Variants in PLD5 observed in about 807,000 individuals in gnomAD.
PLD5 encodes the protein inactive phospholipase D5.
PLD5 carries 36 observed loss-of-function variants against 61.1 expected under a neutral mutation model. That is an observed-to-expected ratio of 0.59 (90% CI 0.45 to 0.78). The LOEUF (loss-of-function observed/expected upper bound fraction) is 0.78, where lower values mean the gene tolerates loss of function less well. Ranked by LOEUF, PLD5 falls within the 30% of genes least tolerant of loss-of-function variation. The pLI is 0.00. For synonymous variants in PLD5, 243 were observed against 242.8 expected (o/e 1.00, Z -0.01); for missense variants, 515 against 644.4 (o/e 0.80, Z 2.17).
chr1:242,517,732 G>T lies in PLD5; in HGVS notation c.189+6356C>A, dbSNP rs1049161579. Among the ~76,000 whole-genome samples the T allele has an allele frequency of 7.9e-5, 12 of 152,176 alleles. No homozygotes were observed. In the South Asian group the frequency reaches 1.5e-3, roughly 18 times the overall value. The stretch of plus-strand genomic sequence containing the variant: ...ACAACTTTAAACATCTTCAGGGAAG[G>T]GACCCTGCACTGGTCTTTGTATTTA... On this transcript the variant is annotated intron_variant, in intron 1 of 9. Transcript: ENST00000536534.
chr1:242,330,956 C>A (rs1336545997), intron 2 of PLD5, among the ~76,000 whole-genome samples: 2 of 152,176 alleles, frequency 1.3e-5, no homozygotes, highest in Admixed American at 6.5e-5. Context: ...AGCTTCTCCT[C>A]CCCTGGTCCA....
At chr1:242,183,247 C>T (rs545699673) in intron 5 of PLD5, among the ~76,000 whole-genome samples, 1 of 152,246 alleles carries the variant, frequency 6.6e-6, no homozygotes, top group Non-Finnish European at 1.5e-5. Context: ...CTTTGCTTTA[C>T]TATAGTTTGA....
At chr1:242,259,220 C>T (rs1302905181) in intron 4 of PLD5, among the ~76,000 whole-genome samples, 3 of 151,900 alleles carry the variant, frequency 2.0e-5, no homozygotes, top group African/African-American at 7.3e-5. Flanking sequence ...GAGGTGGGAG[C>T]ACCACTTGAT....
At chr1:242,157,014 T>C (rs1665426468) in intron 5 of PLD5, among the ~76,000 whole-genome samples, 1 of 152,190 alleles carries the variant, frequency 6.6e-6, no homozygotes, top group Non-Finnish European at 1.5e-5. Context: ...TTTGGTCTTT[T>C]CACATAGTTC....
At chr1:242,508,580 C>T (rs1668804584) in intron 1 of PLD5, among the ~76,000 whole-genome samples, 1 of 152,162 alleles carries the variant, frequency 6.6e-6, no homozygotes, top group Non-Finnish European at 1.5e-5. Flanking sequence ...ATTCACCATT[C>T]CCAGTAGCTC....
intron 4 of PLD5, among the ~76,000 whole-genome samples, chr1:242,237,975 C>G (rs1671749326): frequency 6.6e-6 from 1 of 152,110 alleles, no homozygotes; most frequent in Admixed American, 6.5e-5. Context: ...TGAACCCTAC[C>G]TAGCTTTGCA....
At chr1:242,492,522 CA>C (rs35988130) in intron 1 of PLD5, among the ~76,000 whole-genome samples, 212 of 122,392 alleles carry the variant, frequency 1.7e-3, no homozygotes, top group African/African-American at 2.1e-3. Flanking sequence ...AACTCCGTCT[CA>C]AAAAAAAAAA....
intron 1 of PLD5, among the ~76,000 whole-genome samples, chr1:242,401,583 T>C (rs539309198): frequency 1.5e-3 from 232 of 152,322 alleles, no homozygotes; most frequent in Non-Finnish European, 2.6e-3. Flanking sequence ...AGATGTGATG[T>C]GATGTGACCT....
chr1:242,379,376 C>T (rs1440677318), intron 1 of PLD5, among the ~76,000 whole-genome samples: 4 of 152,148 alleles, frequency 2.6e-5, no homozygotes, highest in Non-Finnish European at 5.9e-5. Context: ...TGGTTTCACC[C>T]TGCCTAATGT....
rs191497968 is a variant in PLD5, at chr1:242,162,768, G to T, written c.736-38103C>A. On this transcript the variant is annotated intron_variant, in intron 5 of 9. Coordinates refer to ENST00000536534, the MANE Select transcript of PLD5 (RefSeq NM_001372062.1). ...TATAATTTTAAAAATTTTGCAAAAT[G>T]GTTCTCTGCTAAATTAGAATAGACA... Among the ~76,000 whole-genome samples the T allele has an allele frequency of 3.2e-3, 487 of 150,978 alleles. 4 individuals carry two copies. Among genetic ancestry groups the T allele is most frequent in the Admixed American group, 7.0e-3 (106 of 15,238 alleles).
At chr1:242,418,594 G>A (rs148362420) in intron 1 of PLD5, among the ~76,000 whole-genome samples, 225 of 152,064 alleles carry the variant, frequency 1.5e-3, no homozygotes, top group Admixed American at 2.5e-3. Context: ...TGGAAACTCC[G>A]CAAAAAAAAG....
chr1:242,483,900 G>A (rs1667868274), intron 1 of PLD5, among the ~76,000 whole-genome samples: 1 of 151,856 alleles, frequency 6.6e-6, no homozygotes, highest in Non-Finnish European at 1.5e-5. Flanking sequence ...TCAGGATTAA[G>A]AAACTCACTC....
intron 1 of PLD5, among the ~76,000 whole-genome samples, chr1:242,396,669 TTTTC>T (rs1047769011): frequency 2.0e-5 from 1 of 50,384 alleles, no homozygotes; most frequent in African/African-American, 1.1e-4. Context: ...CTTTCTTTTC[TTTTC>T]TTTTTTTTTT....
chr1:242,482,515 A>G (rs1452019008), intron 1 of PLD5, among the ~76,000 whole-genome samples: 3 of 152,162 alleles, frequency 2.0e-5, no homozygotes, highest in Non-Finnish European at 4.4e-5. Flanking sequence ...AGAAAAAAGA[A>G]TAAAAAGAAA....
In PLD5 at chr1:242,242,115, T is replaced by C. The variant is rs74912902; in HGVS notation, c.608-22000A>G. Among the ~76,000 whole-genome samples, 473 of 149,990 alleles carry C rather than the reference T, an allele frequency of 3.2e-3. 2 individuals are homozygous for C. The highest frequency in any genetic ancestry group is 0.011 in the African/African-American group (434 of 40,710). ...ATTAAAAAATCCAAATCAGATCAAG[T>C]CATTTCCGTCAGTACCTCAACAGCG... On this transcript the variant is annotated intron_variant, in intron 4 of 9. Coordinates refer to ENST00000536534, the MANE Select transcript of PLD5 (RefSeq NM_001372062.1).
chr1:242,507,123 C>A (rs1040130300), intron 1 of PLD5, among the ~76,000 whole-genome samples: 13 of 152,090 alleles, frequency 8.5e-5, no homozygotes, highest in Non-Finnish European at 1.8e-4. Flanking sequence ...TAATCTTTAG[C>A]AAAACTAATG....
chr1:242,286,919 A>T (rs1461271542), intron 3 of PLD5, among the ~76,000 whole-genome samples: 1 of 152,200 alleles, frequency 6.6e-6, no homozygotes, highest in Non-Finnish European at 1.5e-5. Flanking sequence ...CATGTAAAAG[A>T]GAGATATGAA....
At chr1:242,321,699 AC>A (rs1433051970) in intron 2 of PLD5, among the ~76,000 whole-genome samples, 3 of 150,678 alleles carry the variant, frequency 2.0e-5, no homozygotes. Flanking sequence ...CTGTTTTTGA[AC>A]CCCCATTTTT....
chr1:242,372,347 C>T (rs977698484), intron 1 of PLD5, among the ~76,000 whole-genome samples: 2 of 152,072 alleles, frequency 1.3e-5, no homozygotes, highest in Non-Finnish European at 2.9e-5. Context: ...GAATCAATAT[C>T]GTGAAAATGG....
Sources: allele counts gnomAD v4.1 joint callset (sites outside exome capture counted in the v4.1 genomes callset), GRCh38; gene constraint gnomAD v4.1.1; transcripts MANE v1.5; gene names NCBI Gene and HGNC (gene_info 2026-07-23, HGNC 2026-07-21).